ZCWPW2: variants seen among roughly 807,000 people sequenced by gnomAD.
ZCWPW2 encodes the protein zinc finger CW-type PWWP domain protein 2.
Under a neutral mutation model 46.6 loss-of-function variants are expected in ZCWPW2, and 45 were observed. The observed-to-expected ratio is 0.96, with a 90% CI of 0.76 to 1.24. The LOEUF (loss-of-function observed/expected upper bound fraction) is 1.24. Among genes scored for constraint, ZCWPW2 ranks in the 50% most tolerant of loss-of-function variants. ZCWPW2 has a pLI of 0.00. For synonymous variants in ZCWPW2, 152 were observed against 137.1 expected (o/e 1.11, Z -0.76); for missense variants, 429 against 403.9 (o/e 1.06, Z -0.53).
At chr3:28,440,097 G>A (rs960986492) in intron 4 of ZCWPW2, among the ~76,000 whole-genome samples, 2 of 152,108 alleles carry the variant, frequency 1.3e-5, no homozygotes, top group Non-Finnish European at 2.9e-5. Context: ...ACAGGGCATG[G>A]TAATACTAAG....
intron 5 of ZCWPW2, among the ~76,000 whole-genome samples, chr3:28,481,237 G>T (rs1317391406): frequency 6.6e-6 from 1 of 151,112 alleles, no homozygotes. Context: ...CACATAAAAT[G>T]ATAACTTTTA....
Position 28,450,504 on chromosome 3 carries a change from G to A in ZCWPW2, c.492+15235G>A, listed in dbSNP as rs144672042. On this transcript the variant is annotated intron_variant, in intron 4 of 9. Coordinates refer to ENST00000383768, the MANE Select transcript of ZCWPW2 (RefSeq NM_001040432.4). ...ATAGAGCCATTATAATTTTTCTTGG[G>A]CATAAATAATGTATTCCTATTAGCA... 7.0e-4 allele frequency among the ~76,000 whole-genome samples: 107 copies of A among 152,208 alleles called. 4 individuals are homozygous for A. The East Asian group carries it at 0.016, about 23-fold the overall frequency.
chr3:28,513,939 T>G, intron 6 of ZCWPW2, 125 bp from the exon 7 acceptor site: 1 of 499,224 alleles, frequency 2.0e-6, no homozygotes, highest in South Asian at 3.0e-5. Flanking sequence ...GTAAAGATGT[T>G]GTTTAGGGTT....
chr3:28,413,437 G>T, intron 3 of ZCWPW2, 37 bp downstream of exon 3: 1 of 1,506,874 alleles, frequency 6.6e-7, no homozygotes. Context: ...TTGAAATGTA[G>T]TCTTGCTAGG....
rs557755985 is a variant in ZCWPW2, at chr3:28,469,147, T to G, written c.493-9667T>G. Among the ~76,000 whole-genome samples, 4 of 152,256 alleles carry G rather than the reference T, an allele frequency of 2.6e-5. No homozygotes were observed. In the South Asian group the frequency reaches 8.3e-4, roughly 32 times the overall value. ...TACATGTAAGAACATGTAAGCAGTG[T>G]TGTTATCAGCTTAAAATAATGGGTT... On this transcript the variant is annotated intron_variant, in intron 4 of 9. Coordinates refer to ENST00000383768, the MANE Select transcript of ZCWPW2 (RefSeq NM_001040432.4).
intron 4 of ZCWPW2, among the ~76,000 whole-genome samples, chr3:28,458,876 T>G (rs1173089886): frequency 6.6e-6 from 1 of 152,214 alleles, no homozygotes; most frequent in Non-Finnish European, 1.5e-5. Flanking sequence ...ATTTGAAGGC[T>G]CTTCATGTTG....
intron 4 of ZCWPW2, among the ~76,000 whole-genome samples, chr3:28,471,170 A>C (rs376960998): frequency 2.0e-5 from 3 of 152,200 alleles, no homozygotes; most frequent in African/African-American, 7.2e-5. Flanking sequence ...GAATTCTATG[A>C]AACGTTTAAA....
Position 28,514,080 on chromosome 3 carries a change from A to G in ZCWPW2, c.674A>G (p.Asn225Ser). 1.3e-6 allele frequency: 2 copies of G among 1,511,428 alleles called. No homozygotes were observed. The highest frequency in any genetic ancestry group is 1.8e-6 in the Non-Finnish European group (2 of 1,103,566). 93.6% of individuals were successfully genotyped at this position (1,511,428 alleles called of 1,614,324 possible). ...GTGTTATAGAAGCAGACTTCTAAAAATAATATTGAAAAGAAGAAGCCCAAA... is the reference window on the plus strand; with the variant it reads ...GTGTTATAGAAGCAGACTTCTAAAAGTAATATTGAAAAGAAGAAGCCCAAA... ...LVKKRKQTSK[N>S]NIEKKKPKFR... The change falls in exon 7 of 10, where the codon AAT becomes AGT. Residue 225 changes from asparagine to serine, a missense_variant. Asn to Ser is a conservative substitution (Grantham distance 46). Coordinates refer to ENST00000383768, the MANE Select transcript of ZCWPW2 (RefSeq NM_001040432.4).
At chr3:28,447,308 T>C (rs919243454) in intron 4 of ZCWPW2, among the ~76,000 whole-genome samples, 1 of 152,086 alleles carries the variant, frequency 6.6e-6, no homozygotes, top group Non-Finnish European at 1.5e-5. Context: ...TTATACACTA[T>C]GGCCAAATAG....
chr3:28,371,159 C>G (rs1408003432), intron 1 of ZCWPW2, among the ~76,000 whole-genome samples: 1 of 152,076 alleles, frequency 6.6e-6, no homozygotes, highest in Non-Finnish European at 1.5e-5. Flanking sequence ...GAGAGTAAAT[C>G]ATGTAAAATA....
intron 1 of ZCWPW2, among the ~76,000 whole-genome samples, chr3:28,389,121 T>C: frequency 6.6e-6 from 1 of 152,140 alleles, no homozygotes. Flanking sequence ...AACTAAGACC[T>C]CTAGGCCGAC....
intron 5 of ZCWPW2, among the ~76,000 whole-genome samples, chr3:28,491,628 A>G (rs1338317200): frequency 1.3e-5 from 2 of 152,110 alleles, no homozygotes; most frequent in African/African-American, 4.8e-5. Flanking sequence ...GCCAAGCTGC[A>G]TGACCTCAGG....
intron 2 of ZCWPW2, among the ~76,000 whole-genome samples, chr3:28,404,828 T>C (rs971847291): frequency 1.3e-5 from 2 of 152,138 alleles, no homozygotes; most frequent in African/African-American, 4.8e-5. Context: ...AGCTAATCTA[T>C]GAGGATGCAA....
intron 5 of ZCWPW2, among the ~76,000 whole-genome samples, chr3:28,490,927 T>C (rs1252471655): frequency 1.3e-5 from 2 of 152,138 alleles, no homozygotes; most frequent in Non-Finnish European, 2.9e-5. Context: ...AAAATGTATA[T>C]TTCAGATTCA....
chr3:28,383,314 A>G (rs1179853124), intron 1 of ZCWPW2, among the ~76,000 whole-genome samples: 1 of 144,558 alleles, frequency 6.9e-6, no homozygotes. Flanking sequence ...ACATATTGGA[A>G]AAATAAAACA....
intron 5 of ZCWPW2, among the ~76,000 whole-genome samples, chr3:28,482,930 C>T (rs1374689424): frequency 6.6e-6 from 1 of 152,122 alleles, no homozygotes; most frequent in Non-Finnish European, 1.5e-5. Context: ...CAAATACTTG[C>T]TCCCAATATG....
intron 6 of ZCWPW2, among the ~76,000 whole-genome samples, chr3:28,498,416 C>G (rs1449651384): frequency 6.6e-6 from 1 of 151,910 alleles, no homozygotes; most frequent in East Asian, 1.9e-4. Context: ...TTAATCAGAT[C>G]TCTCTAAATT....
chr3:28,426,960 G>A (rs984352976), intron 3 of ZCWPW2, among the ~76,000 whole-genome samples: 1 of 152,168 alleles, frequency 6.6e-6, no homozygotes, highest in African/African-American at 2.4e-5. Context: ...TAAGACATGA[G>A]TTTCTTCCTG....
intron 8 of ZCWPW2, among the ~76,000 whole-genome samples, chr3:28,517,418 G>C (rs1042640978): frequency 2.0e-5 from 3 of 152,178 alleles, no homozygotes; most frequent in Admixed American, 6.5e-5. Flanking sequence ...GAAGGTAAAG[G>C]GGGAACAGGC....
Sources: gnomAD v4.1 joint callset for allele counts (sites outside exome capture counted in the v4.1 genomes callset) on GRCh38, gnomAD v4.1.1 for gene constraint, MANE v1.5 for transcripts, NCBI Gene and HGNC (gene_info 2026-07-23, HGNC 2026-07-21) for gene names.